SIPA1L2: variants seen among roughly 807,000 people sequenced by gnomAD.
SIPA1L2 encodes the protein signal-induced proliferation-associated 1-like protein 2.
In SIPA1L2, 56 loss-of-function variants were observed where a neutral mutation model predicts 163.9. The observed-to-expected ratio is 0.34, with a 90% CI of 0.28 to 0.43. The LOEUF is 0.43. Ranked by LOEUF, SIPA1L2 falls within the 20% of genes least tolerant of loss-of-function variation. SIPA1L2 has a pLI of 1.00. For synonymous variants in SIPA1L2, 877 were observed against 865.7 expected (o/e 1.01, Z -0.23); for missense variants, 1,974 against 2,193.5 (o/e 0.90, Z 2.00).
chr1:232,398,096 C>T lies in SIPA1L2; in HGVS notation c.*1031G>A, dbSNP rs1660127734. The T allele has an allele frequency of 6.6e-6, 1 of 152,660 alleles. No homozygotes were observed. The highest frequency in any genetic ancestry group is 2.1e-4 in the South Asian group (1 of 4,834). 9.5% of individuals were successfully genotyped at this position (152,660 alleles called of 1,614,324 possible). ...GCAGCATCCAGTCGTTAGAATCTCT[C>T]ACCCTGCTTCTCGGTCTGATCTGTG... is the stretch of plus-strand genomic sequence containing the variant. On this transcript the variant is annotated 3_prime_UTR_variant, in exon 23 of 23. Transcript: ENST00000674635.
chr1:232,564,235 CGTGTGTGTGTGTGTGTGT>C (rs59088753), intron 2 of SIPA1L2, among the ~76,000 whole-genome samples: 7,545 of 29,594 alleles, frequency 0.25, 844 homozygotes, highest in Middle Eastern at 0.45. Flanking sequence ...TTTTTTTTTT[CGTGTGTGTGTGTGTGTGT>C]GTGTGTGTGT....
At chr1:232,569,119 T>A (rs148613409) in intron 2 of SIPA1L2, among the ~76,000 whole-genome samples, 1,745 of 152,322 alleles carry the variant, frequency 0.011, 26 homozygotes, top group Non-Finnish European at 0.014. Flanking sequence ...CTTCAGATTT[T>A]AAGACCATCT....
rs1021407499 is a variant in SIPA1L2, at chr1:232,491,382, TCA to T, written c.1618-322_1618-321del. ...CAACTCTGAACCCACATGAGAAGGT[TCA>T]CACAGAGAGGAAACCAGACATGATG... On this transcript the variant is annotated intron_variant, in intron 4 of 22. Transcript: ENST00000674635. Among the ~76,000 whole-genome samples the T allele has an allele frequency of 1.1e-3, 162 of 152,234 alleles. 1 individual carries two copies. Among genetic ancestry groups the T allele is most frequent in the African/African-American group, 3.2e-3 (133 of 41,554 alleles).
chr1:232,493,448 T>G, intron 4 of SIPA1L2, 79 bp downstream of exon 4: 1 of 1,531,006 alleles, frequency 6.5e-7, no homozygotes, highest in East Asian at 2.3e-5. Context: ...TTCAGTACCC[T>G]ATCTAAAACA....
intron 17 of SIPA1L2, 36 bp downstream of exon 17, chr1:232,428,375 G>C: frequency 1.5e-6 from 1 of 679,046 alleles, no homozygotes; most frequent in Non-Finnish European, 2.1e-6. Context: ...TTTTTTTAGT[G>C]TTTCTGGTAA....
At chr1:232,600,721 C>T (rs558941220) in intron 1 of SIPA1L2, among the ~76,000 whole-genome samples, 9 of 152,214 alleles carry the variant, frequency 5.9e-5, no homozygotes, top group African/African-American at 1.4e-4. Flanking sequence ...GTGGGTAGGA[C>T]GCTCAGCCGG....
intron 2 of SIPA1L2, among the ~76,000 whole-genome samples, chr1:232,572,688 TACATAC>T (rs1179619740): frequency 1.9e-5 from 1 of 52,830 alleles, no homozygotes; most frequent in African/African-American, 1.3e-4. Context: ...CACACACATA[TACATAC>T]ATATATATAT....
At chr1:232,596,456 C>G (rs1242602625) in intron 1 of SIPA1L2, among the ~76,000 whole-genome samples, 1 of 152,138 alleles carries the variant, frequency 6.6e-6, no homozygotes, top group African/African-American at 2.4e-5. Context: ...GAACTGGGCC[C>G]CAAATCACCA....
intron 6 of SIPA1L2, among the ~76,000 whole-genome samples, chr1:232,483,554 T>C (rs1215899875): frequency 6.6e-6 from 1 of 152,228 alleles, no homozygotes; most frequent in Non-Finnish European, 1.5e-5. Context: ...GGAATCTCTC[T>C]GCTGGTGTTA....
chr1:232,426,892 TAAACAATAGTAAAAGCCAG>T (rs1661937607), intron 17 of SIPA1L2, among the ~76,000 whole-genome samples: 1 of 152,180 alleles, frequency 6.6e-6, no homozygotes, highest in Non-Finnish European at 1.5e-5. Context: ...TCCTTTTAGG[TAAACAATAGTAAAAGCCAG>T]AATGTTCACA....
chr1:232,404,145 C>CA lies in SIPA1L2; in HGVS notation c.4795dup (p.Cys1599LeufsTer219). 1 of 1,614,056 alleles carries CA rather than the reference C, an allele frequency of 6.2e-7. No homozygotes were observed. The highest frequency in any genetic ancestry group is 8.5e-7 in the Non-Finnish European group (1 of 1,179,998). ...ATCACCTAGATAGGACGTGTGGTGA[C>CA]AGAGCAGCCCCAGTTCTTCATCTGA... On this transcript the variant is annotated frameshift_variant, in exon 20 of 23. Transcript: ENST00000674635. LOFTEE classifies it high-confidence loss of function.
At chr1:232,617,073 A>G (rs1662538339) in intron 1 of SIPA1L2, among the ~76,000 whole-genome samples, 1 of 152,270 alleles carries the variant, frequency 6.6e-6, no homozygotes, top group South Asian at 2.1e-4. Context: ...AATTGGAAAT[A>G]ATTTGAATTA....
At chr1:232,404,947 A>G (rs1660555216) in intron 19 of SIPA1L2, among the ~76,000 whole-genome samples, 1 of 152,152 alleles carries the variant, frequency 6.6e-6, no homozygotes, top group Admixed American at 6.5e-5. Flanking sequence ...TCCTTTTCCT[A>G]TGAATTGGTT....
chr1:232,544,905 A>G (rs972236178), intron 2 of SIPA1L2, among the ~76,000 whole-genome samples: 1 of 152,166 alleles, frequency 6.6e-6, no homozygotes, highest in African/African-American at 2.4e-5. Flanking sequence ...GGGCACAAAG[A>G]CTACCACACT....
At chr1:232,444,950 T>C (rs1376408196) in intron 11 of SIPA1L2, among the ~76,000 whole-genome samples, 1 of 152,262 alleles carries the variant, frequency 6.6e-6, no homozygotes, top group Non-Finnish European at 1.5e-5. Context: ...TTTTGTTTTG[T>C]TAAAATGATC....
intron 17 of SIPA1L2, 121 bp downstream of exon 17, chr1:232,428,290 G>A: frequency 1.2e-6 from 1 of 800,780 alleles, no homozygotes; most frequent in Non-Finnish European, 1.8e-6. Context: ...TGAGTTGTTG[G>A]TAGGGTCATG....
At chr1:232,489,312 C>G (rs906092240) in intron 5 of SIPA1L2, among the ~76,000 whole-genome samples, 1 of 152,138 alleles carries the variant, frequency 6.6e-6, no homozygotes, top group Admixed American at 6.5e-5. Context: ...CAACCCACCC[C>G]GATGTATCCT....
chr1:232,508,963 A>G (rs895745983), intron 3 of SIPA1L2, among the ~76,000 whole-genome samples: 2 of 152,172 alleles, frequency 1.3e-5, no homozygotes, highest in Non-Finnish European at 2.9e-5. Flanking sequence ...GTGGTGGCAC[A>G]TGTCTGTAAT....
At chr1:232,541,304 A>AAC (rs1244032366) in intron 2 of SIPA1L2, among the ~76,000 whole-genome samples, 2 of 151,866 alleles carry the variant, frequency 1.3e-5, no homozygotes, top group African/African-American at 2.4e-5. Context: ...AACATAACAG[A>AAC]ATATATCTTC....
Sources: gnomAD v4.1 joint callset for allele counts (sites outside exome capture counted in the v4.1 genomes callset) on GRCh38, gnomAD v4.1.1 for gene constraint, MANE v1.5 for transcripts, NCBI Gene and HGNC (gene_info 2026-07-23, HGNC 2026-07-21) for gene names.